The following POLN variants were observed in gnomAD, a reference collection of about 807,000 sequenced individuals.
POLN encodes the protein DNA polymerase nu, also known as DNA polymerase N.
A neutral mutation model predicts 113.5 loss-of-function variants in POLN; 108 were observed. The observed-to-expected ratio is 0.95, with a 90% CI of 0.81 to 1.12. The LOEUF (loss-of-function observed/expected upper bound fraction) is 1.12. Ranked by LOEUF, POLN falls within the 50% of genes most tolerant of loss-of-function variation. The pLI is 0.00. For synonymous variants in POLN, 386 were observed against 391.5 expected (o/e 0.99, Z 0.17); for missense variants, 1,097 against 1,077.1 (o/e 1.02, Z -0.26).
intron 6 of POLN, among the ~76,000 whole-genome samples, chr4:2,194,531 G>C (rs1225500778): frequency 6.6e-6 from 1 of 152,072 alleles, no homozygotes; most frequent in Non-Finnish European, 1.5e-5. Context: ...CGGTGAGGAG[G>C]GTGTCCAAGA....
rs566255148 is a variant in POLN, at chr4:2,204,109, CAAAA to C, written c.714+3874_714+3877del. ...GGGTAACAAGAGCAAAACTCTATCA[CAAAA>C]AAAAAAAAAAAAAAAAAAAAAAGAT... is the stretch of plus-strand genomic sequence containing the variant. On this transcript the variant is annotated intron_variant, in intron 5 of 25. Transcript: ENST00000511885. Among the ~76,000 whole-genome samples the C allele has an allele frequency of 6.8e-3, 363 of 53,242 alleles. 3 individuals are homozygous for C. The highest frequency in any genetic ancestry group is 0.025 in the African/African-American group (324 of 12,818). 34.9% of individuals were successfully genotyped at this position (53,242 alleles called of 152,430 possible). A position where few individuals can be genotyped will look rare whatever the true frequency, so the allele number is the denominator to read the frequency against.
At chr4:2,094,582 A>G (rs907273836) in intron 20 of POLN, among the ~76,000 whole-genome samples, 2 of 152,194 alleles carry the variant, frequency 1.3e-5, no homozygotes, top group Admixed American at 1.3e-4. Context: ...GGTAACAAAT[A>G]CTGTGGTTGA....
intron 2 of POLN, chr4:2,230,609 T>C (rs897770443): frequency 6.6e-6 from 1 of 151,924 alleles, no homozygotes; most frequent in African/African-American, 2.4e-5. Context: ...GTTCAATGGG[T>C]TTCAAAAATC....
intron 7 of POLN, among the ~76,000 whole-genome samples, chr4:2,187,301 T>C (rs774013665): frequency 2.0e-5 from 3 of 152,178 alleles, no homozygotes; most frequent in Non-Finnish European, 4.4e-5. Flanking sequence ...GGAAGTGCAA[T>C]GGTTTGATCT....
In POLN at chr4:2,179,242, T is replaced by C. The variant is rs1223296533; in HGVS notation, c.1179+66A>G. On this transcript the variant is annotated intron_variant, in intron 8 of 25. Coordinates refer to ENST00000511885, the MANE Select transcript of POLN (RefSeq NM_181808.4). ...TTTTACTATTAGGCTATCAATAAAA[T>C]AGAAAAAGCTTCCAGAAAAAATAGG... 43 of 1,426,656 alleles carry C rather than the reference T, an allele frequency of 3.0e-5. No homozygotes were observed. The South Asian group carries it at 3.2e-4, about 11-fold the overall frequency. The allele number at this position is 1,426,656 out of a possible 1,614,324, so 88.4% of individuals were successfully genotyped here.
chr4:2,072,834 C>A, intron 25 of POLN, 134 bp downstream of exon 25: 1 of 913,408 alleles, frequency 1.1e-6, no homozygotes, highest in South Asian at 1.5e-5. Flanking sequence ...CCAGCCTCCA[C>A]GGCTGTGCCT....
chr4:2,138,988 TTGAGACTGG>T (rs1275725454), intron 16 of POLN, among the ~76,000 whole-genome samples: 2 of 151,212 alleles, frequency 1.3e-5, no homozygotes, highest in African/African-American at 4.9e-5. Context: ...ATGAAGAGGG[TTGAGACTGG>T]TGAGCATGTG....
At chr4:2,128,277 C>A in intron 18 of POLN, 50 bp from the exon 19 acceptor site, 1 of 1,267,806 alleles carries the variant, frequency 7.9e-7, no homozygotes, top group Non-Finnish European at 1.1e-6. Flanking sequence ...CAATGTTCCT[C>A]GTGTTTGCTG....
intron 13 of POLN, among the ~76,000 whole-genome samples, chr4:2,165,081 T>A (rs1398259771): frequency 6.6e-6 from 1 of 152,176 alleles, no homozygotes; most frequent in Non-Finnish European, 1.5e-5. Flanking sequence ...CTTTGGTGCT[T>A]GCCCAGATAA....
chr4:2,152,162 G>C (rs771454479), intron 16 of POLN, among the ~76,000 whole-genome samples: 2 of 151,088 alleles, frequency 1.3e-5, no homozygotes, highest in South Asian at 2.1e-4. Context: ...CTCTTGAGTA[G>C]CTGGGACCAT....
chr4:2,188,885 G>A (rs1733358977), intron 7 of POLN, among the ~76,000 whole-genome samples: 1 of 151,974 alleles, frequency 6.6e-6, no homozygotes, highest in African/African-American at 2.4e-5. Flanking sequence ...TGTAGGGGGT[G>A]GAATTAAAGT....
chr4:2,144,753 A>G (rs1732092539), intron 16 of POLN, among the ~76,000 whole-genome samples: 1 of 152,150 alleles, frequency 6.6e-6, no homozygotes, highest in Admixed American at 6.5e-5. Flanking sequence ...TTCCTTCAAT[A>G]ACATTTAGCG....
chr4:2,137,325 G>A (rs989001525), intron 16 of POLN, among the ~76,000 whole-genome samples: 1 of 152,112 alleles, frequency 6.6e-6, no homozygotes, highest in Admixed American at 6.5e-5. Context: ...TCCAGGGTCC[G>A]CCAGACAATG....
chr4:2,084,685 G>A (rs1032806795), intron 21 of POLN, among the ~76,000 whole-genome samples: 1 of 152,220 alleles, frequency 6.6e-6, no homozygotes, highest in African/African-American at 2.4e-5. Context: ...AGAGGCTCAC[G>A]GAGAGGGTCC....
intron 13 of POLN, among the ~76,000 whole-genome samples, chr4:2,166,731 T>C (rs1732737916): frequency 6.6e-6 from 1 of 152,142 alleles, no homozygotes; most frequent in South Asian, 2.1e-4. Flanking sequence ...TCTCCCGTGT[T>C]TGGACTCTAG....
chr4:2,197,358 G>A (rs1488329368), intron 6 of POLN, among the ~76,000 whole-genome samples: 1 of 152,198 alleles, frequency 6.6e-6, no homozygotes, highest in South Asian at 2.1e-4. Context: ...ACACTTGAAG[G>A]CAGAGCCAAT....
Position 2,159,206 on chromosome 4 carries a change from A to G in POLN, c.1560T>C (p.Asn520=), listed in dbSNP as rs761307717. Residue 520 remains asparagine, a synonymous_variant, in exon 14 of 26, where the codon AAT becomes AAC. Coordinates refer to ENST00000511885, the MANE Select transcript of POLN (RefSeq NM_181808.4). The part of the protein sequence containing the change: ...KYPSTSEAVL[N]ALRDLHPLPK... The stretch of plus-strand genomic sequence containing the variant: ...GTAATGGATGAAGGTCTCGCAGAGC[A>G]TTTAACTAAACATGAAAATAGATAC... 12 of 1,604,136 alleles carry G rather than the reference A, an allele frequency of 7.5e-6. No individual in the cohort carries two copies. The African/African-American group carries it at 1.6e-4, about 22-fold the overall frequency.
chr4:2,114,879 T>G (rs1731278689), intron 19 of POLN, among the ~76,000 whole-genome samples: 1 of 151,840 alleles, frequency 6.6e-6, no homozygotes, highest in Non-Finnish European at 1.5e-5. Context: ...CATAAGTTAG[T>G]CCATCTGATA....
chr4:2,140,614 G>A (rs985136614), intron 16 of POLN, among the ~76,000 whole-genome samples: 3 of 152,076 alleles, frequency 2.0e-5, no homozygotes, highest in Non-Finnish European at 2.9e-5. Flanking sequence ...AGGTATGGTG[G>A]TTGTACATCT....
Sources: allele counts gnomAD v4.1 joint callset (sites outside exome capture counted in the v4.1 genomes callset), GRCh38; gene constraint gnomAD v4.1.1; transcripts MANE v1.5; gene names NCBI Gene and HGNC (gene_info 2026-07-23, HGNC 2026-07-21).